The following ZFAND3 variants were observed in gnomAD, a reference collection of about 807,000 sequenced individuals.
ZFAND3 encodes AN1-type zinc finger protein 3.
A neutral mutation model predicts 29.6 loss-of-function variants in ZFAND3; 10 were observed. The ratio of observed to expected loss-of-function variants is 0.34; its 90% CI spans 0.21 to 0.57. The LOEUF (loss-of-function observed/expected upper bound fraction) is 0.57. Ranked by LOEUF, ZFAND3 falls within the 20% of genes least tolerant of loss-of-function variation. The pLI is 0.86. For missense variants in ZFAND3, 230 were observed against 304.5 expected, an observed-to-expected ratio of 0.76 and a Z score of 1.82; for synonymous variants, 128 against 112.6, an observed-to-expected ratio of 1.14 and a Z score of -0.87.
At position 38,138,656 on chromosome 6, in the gene ZFAND3, C is replaced by G. The variant is rs148089287; in HGVS notation, c.530-13579C>G. On this transcript the variant is annotated intron_variant, in intron 5 of 5. Coordinates refer to ENST00000287218, the MANE Select transcript of ZFAND3 (RefSeq NM_021943.3). ...AGCCGATTCAGGACATCATTTAGATCTAACTAGACCTCTAATAAAGTCAGT... is the reference window on the plus strand; with the variant it reads ...AGCCGATTCAGGACATCATTTAGATGTAACTAGACCTCTAATAAAGTCAGT... Among the ~76,000 whole-genome samples the G allele has an allele frequency of 2.2e-4, 34 of 152,270 alleles. No homozygotes were observed. In the East Asian group the frequency reaches 6.6e-3, roughly 29 times the overall value.
chr6:38,081,920 T>C (rs778393058), intron 3 of ZFAND3, among the ~76,000 whole-genome samples: 10 of 152,170 alleles, frequency 6.6e-5, no homozygotes, highest in Non-Finnish European at 1.2e-4. Flanking sequence ...AAGCAGTTTA[T>C]TGTTTCTTAA....
At chr6:38,103,373 C>G (rs7449695) in intron 4 of ZFAND3, among the ~76,000 whole-genome samples, 1 of 143,456 alleles carries the variant, frequency 7.0e-6, no homozygotes, top group Non-Finnish European at 1.5e-5. Context: ...TATATACACA[C>G]AATATATATA....
intron 1 of ZFAND3, among the ~76,000 whole-genome samples, chr6:37,852,689 A>G (rs1250085154): frequency 6.6e-6 from 1 of 150,386 alleles, no homozygotes; most frequent in Non-Finnish European, 1.5e-5. Flanking sequence ...AGTTTCACAC[A>G]TTCTTATGTG....
At chr6:37,843,411 C>T (rs918612825) in intron 1 of ZFAND3, among the ~76,000 whole-genome samples, 32 of 151,644 alleles carry the variant, frequency 2.1e-4, no homozygotes, top group African/African-American at 7.0e-4. Context: ...GGCTTGAACC[C>T]GGGAGGCGGA....
intron 2 of ZFAND3, among the ~76,000 whole-genome samples, chr6:37,981,696 A>T (rs938160902): frequency 2.0e-5 from 3 of 152,224 alleles, no homozygotes; most frequent in Non-Finnish European, 4.4e-5. Flanking sequence ...AATATTATTT[A>T]AAAAATTTTT....
intron 1 of ZFAND3, among the ~76,000 whole-genome samples, chr6:37,903,554 A>C (rs1765356998): frequency 6.6e-6 from 1 of 152,204 alleles, no homozygotes; most frequent in Non-Finnish European, 1.5e-5. Flanking sequence ...CGTTTAGTAG[A>C]GTAAGATGGA....
At chr6:37,954,512 G>A (rs1762051837) in intron 2 of ZFAND3, among the ~76,000 whole-genome samples, 1 of 152,162 alleles carries the variant, frequency 6.6e-6, no homozygotes, top group Non-Finnish European at 1.5e-5. Flanking sequence ...TAGAAGGCCA[G>A]TTGGGTCTTT....
At chr6:37,940,840 T>C (rs184988606) in intron 2 of ZFAND3, among the ~76,000 whole-genome samples, 1 of 152,144 alleles carries the variant, frequency 6.6e-6, no homozygotes, top group East Asian at 1.9e-4. Context: ...AAAAGAAAAA[T>C]GACACATAAT....
At chr6:37,870,106 G>A (rs1362462053) in intron 1 of ZFAND3, among the ~76,000 whole-genome samples, 2 of 151,790 alleles carry the variant, frequency 1.3e-5, no homozygotes, top group African/African-American at 4.8e-5. Flanking sequence ...AGCATTTTCT[G>A]ATTTCATTTG....
At chr6:38,028,415 A>G (rs372440002) in intron 2 of ZFAND3, among the ~76,000 whole-genome samples, 14 of 147,722 alleles carry the variant, frequency 9.5e-5, no homozygotes, top group East Asian at 7.7e-4. Context: ...GAAATACTCT[A>G]TTCCCCTCAC....
chr6:38,148,852 T>TAA (rs1766163467), intron 5 of ZFAND3, among the ~76,000 whole-genome samples: 1 of 152,152 alleles, frequency 6.6e-6, no homozygotes, highest in Non-Finnish European at 1.5e-5. Context: ...GTTCCAGACA[T>TAA]AACTTCCTCT....
chr6:38,084,210 G>T (rs1004795502), intron 4 of ZFAND3, among the ~76,000 whole-genome samples: 1 of 152,090 alleles, frequency 6.6e-6, no homozygotes, highest in Non-Finnish European at 1.5e-5. Flanking sequence ...ACTGTTGAAT[G>T]AAATATGGAA....
At chr6:38,020,770 G>C (rs1763334881) in intron 2 of ZFAND3, among the ~76,000 whole-genome samples, 1 of 152,064 alleles carries the variant, frequency 6.6e-6, no homozygotes. Flanking sequence ...TGATGACCGT[G>C]GTGTTTGTGT....
chr6:38,022,135 G>T (rs1405218896), intron 2 of ZFAND3, among the ~76,000 whole-genome samples: 1 of 152,114 alleles, frequency 6.6e-6, no homozygotes, highest in African/African-American at 2.4e-5. Context: ...CAGAATCTCA[G>T]GTCCTGCCCC....
At chr6:37,990,017 G>T (rs1314221607) in intron 2 of ZFAND3, among the ~76,000 whole-genome samples, 1 of 152,142 alleles carries the variant, frequency 6.6e-6, no homozygotes, top group Non-Finnish European at 1.5e-5. Context: ...TCCTCTGGGA[G>T]GATTTCGTTG....
chr6:37,846,562 T>A (rs190918794), intron 1 of ZFAND3, among the ~76,000 whole-genome samples: 1 of 152,306 alleles, frequency 6.6e-6, no homozygotes, highest in Admixed American at 6.5e-5. Context: ...ACGCTTTGAC[T>A]ACTCTTGGAC....
At chr6:38,072,652 A>T (rs975330077) in intron 3 of ZFAND3, among the ~76,000 whole-genome samples, 1 of 152,248 alleles carries the variant, frequency 6.6e-6, no homozygotes, top group African/African-American at 2.4e-5. Context: ...TGGCTGAAAA[A>T]AAAACATAAT....
intron 2 of ZFAND3, among the ~76,000 whole-genome samples, chr6:37,935,038 C>G (rs558750738): frequency 1.2e-4 from 18 of 152,132 alleles, no homozygotes; most frequent in African/African-American, 2.7e-4. Flanking sequence ...AAGTCTAAGA[C>G]TATTGTGTAG....
At chr6:37,963,384 A>C (rs556712923) in intron 2 of ZFAND3, among the ~76,000 whole-genome samples, 4 of 152,220 alleles carry the variant, frequency 2.6e-5, no homozygotes, top group Non-Finnish European at 5.9e-5. Context: ...TAGTGCCTAC[A>C]TAGAAAAGAA....
Sources: allele counts gnomAD v4.1 joint callset (sites outside exome capture counted in the v4.1 genomes callset), GRCh38; gene constraint gnomAD v4.1.1; transcripts MANE v1.5; gene names NCBI Gene and HGNC (gene_info 2026-07-23, HGNC 2026-07-21).